SAMHD1: variants seen among roughly 807,000 people sequenced by gnomAD.
The protein encoded by SAMHD1 is SAM and HD domain containing deoxynucleoside triphosphate triphosphohydrolase 1.
Under a neutral mutation model 79.6 loss-of-function variants are expected in SAMHD1, and 54 were observed. The observed-to-expected ratio is 0.68, with a 90% CI of 0.55 to 0.85. The LOEUF is 0.85. Ranked by LOEUF, SAMHD1 falls within the 40% of genes least tolerant of loss-of-function variation. SAMHD1 has a pLI of 0.00. For synonymous variants in SAMHD1, 260 were observed against 264.1 expected (o/e 0.98, Z 0.15); for missense variants, 663 against 782.7 (o/e 0.85, Z 1.82).
At position 36,905,406 on chromosome 20, in the gene SAMHD1, A is replaced by C. The variant is rs769561543; in HGVS notation, c.1368T>G (p.Tyr456Ter). Reference protein sequence around the residue: ...KQIEYRNLFKYVGETQPTGQI... With the variant: ...KQIEYRNLFK Reference sequence around the variant, plus strand: ...GTCCTGTTGGCTGCGTCTCACCCACATACTTGAATAGATTACGGTATTCAA... The same window carrying C: ...GTCCTGTTGGCTGCGTCTCACCCACCTACTTGAATAGATTACGGTATTCAA... Residue 456 changes from tyrosine to a stop codon, truncating the protein, a stop_gained, in exon 12 of 16, where the codon TAT (tyrosine) becomes TAG (stop). Coordinates refer to ENST00000646673, the MANE Select transcript of SAMHD1 (RefSeq NM_015474.4). LOFTEE classifies it high-confidence loss of function. The C allele has an allele frequency of 6.2e-7, 1 of 1,613,938 alleles. No individual in the cohort carries two copies. Among genetic ancestry groups the C allele is most frequent in the African/African-American group, 1.3e-5 (1 of 74,936 alleles).
intron 9 of SAMHD1, among the ~76,000 whole-genome samples, chr20:36,912,880 TCA>T (rs2063451498): frequency 1.5e-5 from 2 of 132,256 alleles, no homozygotes; most frequent in Admixed American, 8.3e-5. Flanking sequence ...CAGCTAACTT[TCA>T]TTCTTTGTTT....
intron 4 of SAMHD1, among the ~76,000 whole-genome samples, chr20:36,932,674 C>T (rs764525468): frequency 3.3e-5 from 5 of 151,904 alleles, no homozygotes; most frequent in African/African-American, 7.3e-5. Flanking sequence ...GCCTCAGCCT[C>T]CCAAAGTGCT....
intron 1 of SAMHD1, 110 bp downstream of exon 1, chr20:36,951,326 C>G (rs760277628): frequency 2.3e-5 from 35 of 1,498,656 alleles, no homozygotes; most frequent in Non-Finnish European, 3.2e-5. Flanking sequence ...CCTCCCGCCG[C>G]AGGGCTCGCT....
At chr20:36,912,645 T>A in intron 9 of SAMHD1, 93 bp from the exon 10 acceptor site, 3 of 884,574 alleles carry the variant, frequency 3.4e-6, no homozygotes, top group Non-Finnish European at 5.5e-6. Flanking sequence ...AAAGGGATAG[T>A]GGCAGACAAG....
At chr20:36,932,454 GTT>G (rs752535431) in intron 4 of SAMHD1, among the ~76,000 whole-genome samples, 70 of 93,284 alleles carry the variant, frequency 7.5e-4, no homozygotes, top group African/African-American at 1.3e-3. Context: ...ACAGTTTCGT[GTT>G]TTTTTTTTTT....
intron 5 of SAMHD1, 102 bp downstream of exon 5, chr20:36,930,658 A>G: frequency 1.2e-6 from 1 of 833,700 alleles, no homozygotes; most frequent in Admixed American, 1.7e-5. Context: ...GAATTAAAAT[A>G]CAATTTCCAT....
At chr20:36,928,827 C>A (rs562956621) in intron 5 of SAMHD1, among the ~76,000 whole-genome samples, 6 of 152,010 alleles carry the variant, frequency 3.9e-5, no homozygotes, top group African/African-American at 1.4e-4. Flanking sequence ...GAGGCTGAGG[C>A]GGGTGGATCA....
At position 36,930,872 on chromosome 20, in the gene SAMHD1, C is replaced by G. The variant is rs903077482; in HGVS notation, c.513G>C (p.Val171=). The G allele has an allele frequency of 1.9e-6, 3 of 1,609,276 alleles. No homozygotes were observed. Among genetic ancestry groups the G allele is most frequent in the Middle Eastern group, 1.7e-4 (1 of 6,052 alleles). ...GAACTAGACATCCTGCTAGATACCC[C>G]ACCCTGCAGAGCAAAAACACAAAAA... ...SHNRFEHSLG[V]GYLAGCLVHA... Residue 171 remains valine (V), a synonymous_variant, in exon 5 of 16, where the codon GTG becomes GTC. Coordinates refer to ENST00000646673, the MANE Select transcript of SAMHD1 (RefSeq NM_015474.4).
intron 11 of SAMHD1, 21 bp from the exon 12 acceptor site, chr20:36,905,524 C>T (rs754612790): frequency 1.9e-6 from 3 of 1,567,238 alleles, no homozygotes; most frequent in Non-Finnish European, 2.6e-6. Flanking sequence ...AATGACATTT[C>T]AGTTATATTA....
chr20:36,933,228 GA>G, intron 4 of SAMHD1, among the ~76,000 whole-genome samples: 1 of 152,286 alleles, frequency 6.6e-6, no homozygotes, highest in East Asian at 1.9e-4. Flanking sequence ...AAATCTCAAA[GA>G]CTGTCTATTC....
rs561335597 is a variant in SAMHD1, at chr20:36,896,173, A to C, written c.1746+1649T>G. Reference sequence around the variant, plus strand: ...ATTTTTAGTAGAGACGGGGTTTCACAGTATTAGCCAGGATAGTCTTGATCT... The same window carrying C: ...ATTTTTAGTAGAGACGGGGTTTCACCGTATTAGCCAGGATAGTCTTGATCT... On this transcript the variant is annotated intron_variant, in intron 15 of 15. Transcript: ENST00000646673. 2.6e-5 allele frequency among the ~76,000 whole-genome samples: 4 copies of C among 151,806 alleles called. No homozygotes were observed. In the South Asian group the frequency reaches 6.2e-4, roughly 24 times the overall value.
At chr20:36,949,373 G>C (rs186814079) in intron 1 of SAMHD1, among the ~76,000 whole-genome samples, 49 of 151,828 alleles carry the variant, frequency 3.2e-4, no homozygotes, top group Middle Eastern at 3.4e-3. Flanking sequence ...CAGCACTTTA[G>C]GAGGCCGAGG....
At chr20:36,925,700 CAGA>C (rs1438278517) in intron 6 of SAMHD1, among the ~76,000 whole-genome samples, 6 of 152,144 alleles carry the variant, frequency 3.9e-5, no homozygotes, top group African/African-American at 1.2e-4. Context: ...GAGTTCTTTG[CAGA>C]AGAAGATATA....
intron 7 of SAMHD1, among the ~76,000 whole-genome samples, chr20:36,918,707 CAGA>C (rs909907079): frequency 4.3e-5 from 6 of 138,152 alleles, no homozygotes; most frequent in African/African-American, 1.6e-4. Context: ...GAGGCTGAAG[CAGA>C]AGAATTGCTT....
At chr20:36,895,828 T>A (rs1990187250) in intron 15 of SAMHD1, among the ~76,000 whole-genome samples, 1 of 152,070 alleles carries the variant, frequency 6.6e-6, no homozygotes, top group South Asian at 2.1e-4. Flanking sequence ...TTCAACCAAC[T>A]GTAGATAGAA....
At chr20:36,898,871 C>A (rs760846946) in intron 13 of SAMHD1, among the ~76,000 whole-genome samples, 2 of 145,008 alleles carry the variant, frequency 1.4e-5, no homozygotes, top group Admixed American at 1.4e-4. Context: ...GAGATCGCAC[C>A]ACTGCACTCC....
intron 11 of SAMHD1, among the ~76,000 whole-genome samples, chr20:36,908,244 C>CATT (rs10551700): frequency 2.6e-5 from 4 of 151,534 alleles, no homozygotes; most frequent in Non-Finnish European, 5.9e-5. Flanking sequence ...TTTTCTCTAT[C>CATT]ATTATTATTA....
At chr20:36,942,460 T>C (rs993867973) in intron 2 of SAMHD1, among the ~76,000 whole-genome samples, 3 of 152,106 alleles carry the variant, frequency 2.0e-5, no homozygotes, top group Non-Finnish European at 4.4e-5. Flanking sequence ...GATTAGAGTA[T>C]ATAAAACCAC....
At position 36,951,537 on chromosome 20, in the gene SAMHD1, A is replaced by C; in HGVS notation, c.107T>G (p.Leu36Arg). ...PSAEADWSPG[L>R]ELHPDYKTWG... ...TGTCTTGTAGTCGGGATGGAGTTCCAGGCCCGGGGACCAGTCTGCCTCTGC... is the reference window on the plus strand; with the variant it reads ...TGTCTTGTAGTCGGGATGGAGTTCCCGGCCCGGGGACCAGTCTGCCTCTGC... Residue 36 changes from leucine (L) to arginine (R), a missense_variant, in exon 1 of 16, where the codon CTG (leucine) becomes CGG (arginine). Leu to Arg is a moderately radical substitution (Grantham distance 102). Coordinates refer to ENST00000646673, the MANE Select transcript of SAMHD1 (RefSeq NM_015474.4). 1 of 1,614,178 alleles carries C rather than the reference A, an allele frequency of 6.2e-7. No individual in the cohort carries two copies. The highest frequency in any genetic ancestry group is 1.1e-5 in the South Asian group (1 of 91,090).
Sources: gnomAD v4.1 joint callset for allele counts (sites outside exome capture counted in the v4.1 genomes callset) on GRCh38, gnomAD v4.1.1 for gene constraint, MANE v1.5 for transcripts, NCBI Gene and HGNC (gene_info 2026-07-23, HGNC 2026-07-21) for gene names.